Variants in INPP5A observed in about 807,000 individuals in gnomAD.
The protein encoded by INPP5A is 43 kDa inositol polyphosphate 5-phophatase.
INPP5A carries 14 observed loss-of-function variants against 65.2 expected under a neutral mutation model. The observed-to-expected ratio is 0.21, with a 90% CI of 0.14 to 0.34. The LOEUF is 0.34. INPP5A is among the 10% of genes least tolerant of loss of function. INPP5A has a pLI of 1.00. For synonymous variants in INPP5A, 207 were observed against 208.3 expected, an observed-to-expected ratio of 0.99 and a Z score of 0.05; for missense variants, 431 against 545.6, an observed-to-expected ratio of 0.79 and a Z score of 2.09.
At chr10:132,684,388 G>T (rs1459126598) in intron 4 of INPP5A, among the ~76,000 whole-genome samples, 2 of 152,200 alleles carry the variant, frequency 1.3e-5, no homozygotes, top group South Asian at 2.1e-4. Flanking sequence ...TATGTCTACA[G>T]GTGTATGCAT....
At chr10:132,653,017 G>A (rs1003356323) in intron 4 of INPP5A, among the ~76,000 whole-genome samples, 4 of 152,054 alleles carry the variant, frequency 2.6e-5, no homozygotes, top group South Asian at 4.1e-4. Context: ...GGCAGTGCCC[G>A]CCACCCGCAC....
intron 9 of INPP5A, among the ~76,000 whole-genome samples, chr10:132,742,580 G>A (rs571343229): frequency 2.0e-5 from 3 of 152,324 alleles, no homozygotes; most frequent in East Asian, 1.9e-4. Flanking sequence ...CTTCCCCTGC[G>A]GGGTTTTGCT....
intron 1 of INPP5A, among the ~76,000 whole-genome samples, chr10:132,579,271 G>A (rs1408887267): frequency 6.6e-6 from 1 of 152,096 alleles, no homozygotes; most frequent in South Asian, 2.1e-4. Flanking sequence ...GTGGCGAGTG[G>A]GGCTCCTGGT....
chr10:132,781,866 G>C lies in INPP5A; in HGVS notation c.1164G>C (p.Val388=). ...GTCCTCTCTTCCTGCTGCAGCCCGT[G>C]TTCCTGGCCTTCCGAATCATGCCCG... ...PNVCMGDHKP[V]FLAFRIMPGA... Residue 388 remains valine, a synonymous_variant, in exon 15 of 16, where the codon GTG becomes GTC. Transcript: ENST00000368594. 1 of 1,613,708 alleles carries C rather than the reference G, an allele frequency of 6.2e-7. No individual in the cohort carries two copies.
intron 13 of INPP5A, 87 bp from the exon 14 acceptor site, chr10:132,780,762 A>C: frequency 9.2e-7 from 1 of 1,085,712 alleles, no homozygotes; most frequent in South Asian, 1.2e-5. Context: ...TGCCCCCACA[A>C]AACCCTGATG....
intron 3 of INPP5A, among the ~76,000 whole-genome samples, chr10:132,648,301 G>C (rs2072526202): frequency 6.6e-6 from 1 of 152,292 alleles, no homozygotes; most frequent in Non-Finnish European, 1.5e-5. Flanking sequence ...CTTCACAGTG[G>C]AGTGTGGCCC....
intron 1 of INPP5A, among the ~76,000 whole-genome samples, chr10:132,565,533 G>A (rs773391891): frequency 2.6e-5 from 4 of 152,188 alleles, no homozygotes. Context: ...CAAGACAAAA[G>A]CCTTCCTGTG....
chr10:132,682,802 C>T (rs1028674721), intron 4 of INPP5A, among the ~76,000 whole-genome samples: 2 of 151,848 alleles, frequency 1.3e-5, no homozygotes, highest in Non-Finnish European at 2.9e-5. Flanking sequence ...TACGTGTACA[C>T]GTGTGTGATC....
chr10:132,696,085 G>GC (rs1452497773), intron 5 of INPP5A, among the ~76,000 whole-genome samples: 1 of 152,174 alleles, frequency 6.6e-6, no homozygotes, highest in East Asian at 1.9e-4. Flanking sequence ...CACACACAAG[G>GC]CACTATCTGT....
At chr10:132,671,387 C>T (rs1383559877) in intron 4 of INPP5A, among the ~76,000 whole-genome samples, 6 of 149,056 alleles carry the variant, frequency 4.0e-5, no homozygotes, top group Admixed American at 4.0e-4. Flanking sequence ...GGACTCCGCC[C>T]TCCCTGCTCT....
intron 9 of INPP5A, among the ~76,000 whole-genome samples, chr10:132,747,480 G>T (rs1305938914): frequency 6.6e-6 from 1 of 152,280 alleles, no homozygotes; most frequent in African/African-American, 2.4e-5. Context: ...GCTGCATCTT[G>T]GCAAGAGGCG....
chr10:132,748,347 G>A lies in INPP5A; in HGVS notation c.733-1170G>A, dbSNP rs145894497. 9.7e-4 allele frequency among the ~76,000 whole-genome samples: 148 copies of A among 152,324 alleles called. 1 individual carries two copies. The highest frequency in any genetic ancestry group is 3.4e-3 in the African/African-American group (142 of 41,570). On this transcript the variant is annotated intron_variant, in intron 9 of 15. Coordinates refer to ENST00000368594, the MANE Select transcript of INPP5A (RefSeq NM_005539.5). ...TGCAGAAACGCCGGTGCCTCTGCCC[G>A]CCATGAGCACGGGCCCTCGCTGTCC... is the stretch of plus-strand genomic sequence containing the variant.
At position 132,551,893 on chromosome 10, in the gene INPP5A, G is replaced by A. The variant is rs1326916724; in HGVS notation, c.75+13722G>A. On this transcript the variant is annotated intron_variant, in intron 1 of 15. Transcript: ENST00000368594. This position sits in a 1 kb window ranked among gnomAD's most constrained non-coding sequence, Gnocchi z 5.3. ...GCTCGGGGAGTCCCTGGGGTTTGGA[G>A]CTCTGCCTGCCTTGCGGCCCAACCT... 6.6e-6 allele frequency among the ~76,000 whole-genome samples: 1 copy of A among 152,254 alleles called. No homozygotes were observed. Among genetic ancestry groups the A allele is most frequent in the Non-Finnish European group, 1.5e-5 (1 of 68,044 alleles).
At chr10:132,751,521 T>C (rs1846476604) in intron 11 of INPP5A, among the ~76,000 whole-genome samples, 1 of 152,236 alleles carries the variant, frequency 6.6e-6, no homozygotes, top group South Asian at 2.1e-4. Context: ...GGCTCCAGGA[T>C]GCTTCCAGCT....
chr10:132,670,216 AC>A (rs1377277236), intron 4 of INPP5A, among the ~76,000 whole-genome samples: 1 of 4,318 alleles, frequency 2.3e-4, no homozygotes, highest in African/African-American at 1.0e-3. Context: ...CCGACCCCAC[AC>A]CCCCTGACCC....
intron 1 of INPP5A, among the ~76,000 whole-genome samples, chr10:132,588,439 C>T (rs1002315019): frequency 3.3e-5 from 5 of 152,230 alleles, no homozygotes; most frequent in South Asian, 2.1e-4. Context: ...AAGGCCCAGT[C>T]GTTACTTCCT....
intron 1 of INPP5A, among the ~76,000 whole-genome samples, chr10:132,576,634 A>G (rs1371853885): frequency 3.9e-5 from 6 of 152,244 alleles, no homozygotes; most frequent in Non-Finnish European, 7.3e-5. Flanking sequence ...GATGCAAACG[A>G]GAGTGTTCTA....
intron 8 of INPP5A, among the ~76,000 whole-genome samples, chr10:132,715,249 T>C (rs1430776174): frequency 6.6e-6 from 1 of 152,220 alleles, no homozygotes; most frequent in African/African-American, 2.4e-5. Flanking sequence ...TTGTCTCCCC[T>C]CTGAAATGTG....
At chr10:132,781,997 G>C (rs770600505) in intron 15 of INPP5A, 40 bp from the exon 16 acceptor site, 3 of 1,611,568 alleles carry the variant, frequency 1.9e-6, no homozygotes, top group East Asian at 2.2e-5. Flanking sequence ...GCTTTTCCTG[G>C]TGCGTTTGTT....
Sources: gnomAD v4.1 joint callset for allele counts (sites outside exome capture counted in the v4.1 genomes callset) on GRCh38, gnomAD v4.1.1 for gene constraint, Gnocchi (gnomAD v3.1) non-coding constraint, MANE v1.5 for transcripts, NCBI Gene and HGNC (gene_info 2026-07-23, HGNC 2026-07-21) for gene names.